The following TMCC1 variants were observed in gnomAD, a reference collection of about 807,000 sequenced individuals.
TMCC1 encodes transmembrane and coiled-coil domains protein 1.
A neutral mutation model predicts 52.4 loss-of-function variants in TMCC1; 15 were observed. That is an observed-to-expected ratio of 0.29 (90% CI 0.19 to 0.44). The LOEUF (loss-of-function observed/expected upper bound fraction) is 0.44. Among genes scored for constraint, TMCC1 ranks in the 20% least tolerant of loss-of-function variants. The pLI, the probability that TMCC1 is intolerant of heterozygous loss-of-function variation, is 1.00. For synonymous variants in TMCC1, 279 were observed against 301.9 expected (o/e 0.92, Z 0.79); for missense variants, 503 against 806.0 (o/e 0.62, Z 4.55).
chr3:129,866,521 G>T (rs2107948871), intron 2 of TMCC1, among the ~76,000 whole-genome samples: 1 of 151,272 alleles, frequency 6.6e-6, no homozygotes, highest in South Asian at 2.1e-4. Context: ...GGGATTACAG[G>T]CATGCGCCAC....
At chr3:129,759,650 T>C (rs1274234140) in intron 4 of TMCC1, among the ~76,000 whole-genome samples, 2 of 140,238 alleles carry the variant, frequency 1.4e-5, no homozygotes, top group African/African-American at 5.4e-5. Context: ...CAAGTGATCC[T>C]CCTGCCTCAG....
chr3:129,795,457 A>C (rs2056757886), intron 4 of TMCC1, among the ~76,000 whole-genome samples: 1 of 6,902 alleles, frequency 1.4e-4, no homozygotes, highest in Admixed American at 3.0e-3. Context: ...ACTCATTCGT[A>C]TATTTTTTTT....
chr3:129,696,792 T>A (rs1347871898), intron 4 of TMCC1, among the ~76,000 whole-genome samples: 1 of 152,174 alleles, frequency 6.6e-6, no homozygotes, highest in African/African-American at 2.4e-5. Context: ...ACAGGCCCCA[T>A]ACAAGTCCAA....
chr3:129,848,009 G>A (rs1014072973), intron 2 of TMCC1: 5 of 152,106 alleles, frequency 3.3e-5, no homozygotes, highest in Non-Finnish European at 5.9e-5. Context: ...TTCTTATGGG[G>A]TTGTCTTTCA....
chr3:129,825,420 A>G (rs1183583312), intron 4 of TMCC1, among the ~76,000 whole-genome samples: 2 of 152,102 alleles, frequency 1.3e-5, no homozygotes, highest in African/African-American at 2.4e-5. Context: ...GCTATAAATA[A>G]GAAGATGATA....
chr3:129,802,730 T>C (rs374201543), intron 4 of TMCC1, among the ~76,000 whole-genome samples: 1 of 152,138 alleles, frequency 6.6e-6, no homozygotes, highest in African/African-American at 2.4e-5. Context: ...TTTGTGCCCC[T>C]CTCTCCCTAC....
chr3:129,804,573 G>C (rs924031912), intron 4 of TMCC1, among the ~76,000 whole-genome samples: 1 of 152,160 alleles, frequency 6.6e-6, no homozygotes, highest in Non-Finnish European at 1.5e-5. Flanking sequence ...ATTATACACA[G>C]AGTAAACTAA....
At chr3:129,867,521 A>C (rs2107952085) in intron 2 of TMCC1, among the ~76,000 whole-genome samples, 1 of 152,314 alleles carries the variant, frequency 6.6e-6, no homozygotes, top group African/African-American at 2.4e-5. Flanking sequence ...TAACAATACC[A>C]TTAGTATTCA....
At chr3:129,734,244 G>T (rs1030545764) in intron 4 of TMCC1, among the ~76,000 whole-genome samples, 18 of 152,142 alleles carry the variant, frequency 1.2e-4, no homozygotes, top group African/African-American at 4.3e-4. Context: ...AAGTAGATCA[G>T]AACTATATGT....
intron 4 of TMCC1, among the ~76,000 whole-genome samples, chr3:129,731,039 A>C (rs955537555): frequency 6.6e-6 from 1 of 152,218 alleles, no homozygotes; most frequent in African/African-American, 2.4e-5. Context: ...AACCCGGAGA[A>C]GATCTGTTAA....
intron 2 of TMCC1, among the ~76,000 whole-genome samples, chr3:129,875,130 G>A (rs959825164): frequency 3.3e-5 from 5 of 151,628 alleles, no homozygotes; most frequent in African/African-American, 7.3e-5. Context: ...TAAGGTAGGC[G>A]GATCACTTGA....
At chr3:129,703,593 G>A (rs1055089455) in intron 4 of TMCC1, among the ~76,000 whole-genome samples, 2 of 152,210 alleles carry the variant, frequency 1.3e-5, no homozygotes, top group Non-Finnish European at 2.9e-5. Context: ...TAGGAATTGA[G>A]TTTGCAAGGT....
chr3:129,671,330 C>A, intron 4 of TMCC1, 66 bp from the exon 5 acceptor site: 1 of 1,458,884 alleles, frequency 6.9e-7, no homozygotes, highest in Non-Finnish European at 9.2e-7. Flanking sequence ...ATCAATGGGC[C>A]AAAATGTATT....
intron 4 of TMCC1, among the ~76,000 whole-genome samples, chr3:129,800,627 C>T (rs992849171): frequency 1.4e-5 from 2 of 143,312 alleles, no homozygotes; most frequent in Non-Finnish European, 3.1e-5. Context: ...TCTTTAAGTT[C>T]CTTCTGTCGC....
chr3:129,709,497 A>AAAAG lies in TMCC1; in HGVS notation c.577-38234_577-38233insCTTT, dbSNP rs554837910. On this transcript the variant is annotated intron_variant, in intron 4 of 6. Coordinates refer to ENST00000393238, the MANE Select transcript of TMCC1 (RefSeq NM_001017395.5). The stretch of plus-strand genomic sequence containing the variant: ...CTCAAAAAAAAAAAAAAAAAAAAAA[A>AAAAG]AGAGAGAGAGAGAGAAACTTTAAAT... Among the ~76,000 whole-genome samples the AAAAG allele has an allele frequency of 1.4e-4, 9 of 64,076 alleles. No individual in the cohort carries two copies. The East Asian group carries it at 1.7e-3, about 12-fold the overall frequency. 42.0% of individuals were successfully genotyped at this position (64,076 alleles called of 152,430 possible).
At chr3:129,741,923 C>T (rs938258674) in intron 4 of TMCC1, among the ~76,000 whole-genome samples, 1 of 152,142 alleles carries the variant, frequency 6.6e-6, no homozygotes, top group African/African-American at 2.4e-5. Context: ...ATATAATTCA[C>T]ATAATTTATC....
At chr3:129,847,347 T>C (rs553327012) in intron 2 of TMCC1, 2 of 152,360 alleles carry the variant, frequency 1.3e-5, no homozygotes, top group African/African-American at 4.8e-5. Context: ...ACTTACTCCC[T>C]GACTTTTAAA....
At chr3:129,661,113 A>C (rs2086991307) in intron 5 of TMCC1, among the ~76,000 whole-genome samples, 1 of 152,260 alleles carries the variant, frequency 6.6e-6, no homozygotes, top group South Asian at 2.1e-4. Context: ...TTCCCAAATA[A>C]GAAAATGTAA....
At chr3:129,817,267 A>G (rs2107806922) in intron 4 of TMCC1, among the ~76,000 whole-genome samples, 1 of 152,274 alleles carries the variant, frequency 6.6e-6, no homozygotes, top group East Asian at 1.9e-4. Flanking sequence ...CTTATTGACC[A>G]AAGTAAAAAT....
Sources: gnomAD v4.1 joint callset for allele counts (sites outside exome capture counted in the v4.1 genomes callset) on GRCh38, gnomAD v4.1.1 for gene constraint, MANE v1.5 for transcripts, NCBI Gene and HGNC (gene_info 2026-07-23, HGNC 2026-07-21) for gene names.